ARHGAP15: variants seen among roughly 807,000 people sequenced by gnomAD.
The protein encoded by ARHGAP15 is Rho GTPase activating protein 15, also known as rho GTPase-activating protein 15.
A neutral mutation model predicts 63.7 loss-of-function variants in ARHGAP15; 51 were observed. That is an observed-to-expected ratio of 0.80 (90% CI 0.64 to 1.01). The LOEUF is 1.01. Ranked by LOEUF, ARHGAP15 falls within the 50% of genes least tolerant of loss-of-function variation. The pLI, the probability that ARHGAP15 is intolerant of heterozygous loss-of-function variation, is 0.00. For synonymous variants in ARHGAP15, 191 were observed against 193.8 expected (o/e 0.99, Z 0.12); for missense variants, 560 against 564.6 (o/e 0.99, Z 0.08).
chr2:143,468,843 A>T (rs1691377236), intron 8 of ARHGAP15, among the ~76,000 whole-genome samples: 1 of 152,176 alleles, frequency 6.6e-6, no homozygotes, highest in Non-Finnish European at 1.5e-5. Context: ...GGCAATGAAG[A>T]AGTAAAATCA....
intron 6 of ARHGAP15, among the ~76,000 whole-genome samples, chr2:143,384,188 A>AT (rs111623325): frequency 6.3e-4 from 94 of 149,946 alleles, no homozygotes; most frequent in African/African-American, 1.3e-3. Flanking sequence ...ATGCCTGTTG[A>AT]TTTTTTTTTT....
intron 6 of ARHGAP15, among the ~76,000 whole-genome samples, chr2:143,337,998 G>A (rs1040573684): frequency 6.6e-6 from 1 of 152,254 alleles, no homozygotes; most frequent in African/African-American, 2.4e-5. Flanking sequence ...GTTCTCAAAT[G>A]TACCTTTAAT....
chr2:143,525,924 A>G (rs935455366), intron 10 of ARHGAP15, among the ~76,000 whole-genome samples: 1 of 152,196 alleles, frequency 6.6e-6, no homozygotes, highest in African/African-American at 2.4e-5. Flanking sequence ...TGTGGATAAG[A>G]GGACATGCTT....
chr2:143,440,002 T>C (rs1689804701), intron 8 of ARHGAP15, among the ~76,000 whole-genome samples: 1 of 152,184 alleles, frequency 6.6e-6, no homozygotes, highest in Non-Finnish European at 1.5e-5. Context: ...TAGAAAATGA[T>C]TCTTTTCTGT....
intron 11 of ARHGAP15, among the ~76,000 whole-genome samples, chr2:143,595,727 CCTTT>C (rs947665870): frequency 5.9e-5 from 9 of 152,058 alleles, no homozygotes; most frequent in Non-Finnish European, 1.2e-4. Flanking sequence ...GCCCACTCAT[CCTTT>C]CTTGAGGATA....
chr2:143,344,491 C>A (rs1685184926), intron 6 of ARHGAP15, among the ~76,000 whole-genome samples: 1 of 152,026 alleles, frequency 6.6e-6, no homozygotes, highest in Non-Finnish European at 1.5e-5. Flanking sequence ...TAATTTTCTT[C>A]AATTAAATAA....
intron 1 of ARHGAP15, among the ~76,000 whole-genome samples, chr2:143,144,807 A>C (rs1392706626): frequency 6.6e-6 from 1 of 152,120 alleles, no homozygotes. Context: ...TAGAGCAGTA[A>C]TATGAACAAA....
intron 8 of ARHGAP15, among the ~76,000 whole-genome samples, chr2:143,478,636 A>T (rs1691932555): frequency 6.6e-6 from 1 of 152,224 alleles, no homozygotes; most frequent in South Asian, 2.1e-4. Context: ...ATTGATAAGG[A>T]TTAAATGAGA....
At chr2:143,509,788 C>T (rs1047826693) in intron 9 of ARHGAP15, among the ~76,000 whole-genome samples, 11 of 151,924 alleles carry the variant, frequency 7.2e-5, no homozygotes, top group African/African-American at 2.2e-4. Flanking sequence ...CTTGGGAGGC[C>T]GAGGCAGGCG....
chr2:143,630,897 G>A (rs534223283), intron 12 of ARHGAP15, among the ~76,000 whole-genome samples: 11 of 152,060 alleles, frequency 7.2e-5, no homozygotes, highest in African/African-American at 2.7e-4. Flanking sequence ...TTTGACAAAT[G>A]TTTGCACCAC....
At chr2:143,621,127 G>A (rs1698632813) in intron 11 of ARHGAP15, among the ~76,000 whole-genome samples, 1 of 152,064 alleles carries the variant, frequency 6.6e-6, no homozygotes, top group African/African-American at 2.4e-5. Flanking sequence ...ATCCCCACTG[G>A]GAAATGCTAC....
chr2:143,228,462 A>G (rs1023789130), intron 4 of ARHGAP15, 119 bp from the exon 5 acceptor site: 2 of 522,924 alleles, frequency 3.8e-6, no homozygotes, highest in East Asian at 6.5e-5. Context: ...GGAGACTTTT[A>G]GCAAGACTGT....
At chr2:143,306,877 A>G (rs1024549774) in intron 6 of ARHGAP15, among the ~76,000 whole-genome samples, 5 of 152,134 alleles carry the variant, frequency 3.3e-5, no homozygotes, top group Non-Finnish European at 5.9e-5. Context: ...GCTTAAAACA[A>G]CACACATTTA....
At chr2:143,341,654 A>G (rs1180421055) in intron 6 of ARHGAP15, among the ~76,000 whole-genome samples, 1 of 152,144 alleles carries the variant, frequency 6.6e-6, no homozygotes, top group South Asian at 2.1e-4. Flanking sequence ...TCCCCTACTC[A>G]TGTAAGTTCC....
intron 6 of ARHGAP15, among the ~76,000 whole-genome samples, chr2:143,317,975 T>G (rs1359632623): frequency 6.6e-6 from 1 of 152,154 alleles, no homozygotes; most frequent in Non-Finnish European, 1.5e-5. Context: ...TCATCACTAT[T>G]ATGGCACATA....
chr2:143,318,801 A>G (rs1574266097), intron 6 of ARHGAP15, among the ~76,000 whole-genome samples: 1 of 152,088 alleles, frequency 6.6e-6, no homozygotes, highest in Non-Finnish European at 1.5e-5. Flanking sequence ...TCTTTCCCCC[A>G]GCACCTAGAA....
chr2:143,660,367 CT>C (rs1237677089), intron 12 of ARHGAP15, among the ~76,000 whole-genome samples: 1 of 152,136 alleles, frequency 6.6e-6, no homozygotes, highest in Non-Finnish European at 1.5e-5. Flanking sequence ...GCCGATACTG[CT>C]TTCAAGCAGA....
intron 9 of ARHGAP15, among the ~76,000 whole-genome samples, chr2:143,489,106 CTT>C (rs781392898): frequency 3.7e-4 from 56 of 152,198 alleles, no homozygotes; most frequent in Admixed American, 7.2e-4. Context: ...ACAATCCTAA[CTT>C]TACATAATGT....
At chr2:143,300,900 A>G (rs1682864046) in intron 6 of ARHGAP15, among the ~76,000 whole-genome samples, 1 of 151,998 alleles carries the variant, frequency 6.6e-6, no homozygotes, top group Admixed American at 6.6e-5. Flanking sequence ...CCAAACCAAC[A>G]AGTTTGGTAG....
Sources: gnomAD v4.1 joint callset for allele counts (sites outside exome capture counted in the v4.1 genomes callset) on GRCh38, gnomAD v4.1.1 for gene constraint, MANE v1.5 for transcripts, NCBI Gene and HGNC (gene_info 2026-07-23, HGNC 2026-07-21) for gene names.